The following SYNE2 variants were observed in gnomAD, a reference collection of about 807,000 sequenced individuals.
SYNE2 encodes the protein nesprin-2.
SYNE2 carries 431 observed loss-of-function variants against 856.3 expected under a neutral mutation model. That is an observed-to-expected ratio of 0.50 (90% CI 0.47 to 0.55). The LOEUF (loss-of-function observed/expected upper bound fraction) is 0.55, where lower values mean the gene tolerates loss of function less well. SYNE2 is among the 20% of genes least tolerant of loss of function. SYNE2 has a pLI of 0.00. For synonymous variants in SYNE2, 2,923 were observed against 2,872.3 expected (o/e 1.02, Z -0.56); for missense variants, 8,129 against 8,023.2 (o/e 1.01, Z -0.50).
At chr14:64,158,241 ATC>A (rs2153711007) in intron 85 of SYNE2, among the ~76,000 whole-genome samples, 1 of 152,298 alleles carries the variant, frequency 6.6e-6, no homozygotes, top group African/African-American at 2.4e-5. Context: ...TTCAATTATT[ATC>A]TCTGTTTTGT....
rs539084493 is a variant in SYNE2, at chr14:64,037,601, C to T, written c.7221+6244C>T. On this transcript the variant is annotated intron_variant, in intron 45 of 115. Coordinates refer to ENST00000555002, the MANE Select transcript of SYNE2 (RefSeq NM_182914.3). ...CCACCTTTCCCCCCTTTCTATTCCA[C>T]AAAACCGCCATTGTCATCATGGCCC... Among the ~76,000 whole-genome samples the T allele has an allele frequency of 4.9e-3, 750 of 151,874 alleles. 3 individuals carry two copies. The highest frequency in any genetic ancestry group is 8.8e-3 in the Non-Finnish European group (595 of 67,846).
chr14:64,207,532 T>G lies in SYNE2; in HGVS notation c.18202-1226T>G, dbSNP rs557363052. 9.4e-5 allele frequency among the ~76,000 whole-genome samples: 12 copies of G among 127,150 alleles called. No individual in the cohort carries two copies. In the South Asian group the frequency reaches 3.0e-3, roughly 32 times the overall value. The allele number at this position is 127,150 out of a possible 152,430, so 83.4% of individuals were successfully genotyped here. A position where few individuals can be genotyped will look rare whatever the true frequency, so the allele number is the denominator to read the frequency against. ...CCAAGATCGCACCACTATAACAGAG[T>G]GAAACCCTTGTCTCAAAAAAAAAAA... On this transcript the variant is annotated intron_variant, in intron 100 of 115. Transcript: ENST00000555002.
chr14:64,204,965 C>T (rs564682651), intron 100 of SYNE2, among the ~76,000 whole-genome samples: 28 of 152,132 alleles, frequency 1.8e-4, no homozygotes, highest in Non-Finnish European at 3.5e-4. Flanking sequence ...TTGCTTGGCT[C>T]ACATGCGCCT....
chr14:64,183,540 G>A (rs1028676284), intron 96 of SYNE2, among the ~76,000 whole-genome samples: 30 of 152,186 alleles, frequency 2.0e-4, no homozygotes, highest in African/African-American at 3.9e-4. Flanking sequence ...CTGCAGTCTC[G>A]GCACTTTGGG....
intron 2 of SYNE2, among the ~76,000 whole-genome samples, chr14:63,916,384 C>T (rs904152076): frequency 6.6e-6 from 1 of 152,200 alleles, no homozygotes; most frequent in Non-Finnish European, 1.5e-5. Context: ...ACTGTTCTTA[C>T]TCTTGAATTT....
At chr14:64,047,765 A>G (rs2097196620) in intron 45 of SYNE2, among the ~76,000 whole-genome samples, 1 of 152,192 alleles carries the variant, frequency 6.6e-6, no homozygotes, top group Non-Finnish European at 1.5e-5. Flanking sequence ...TTGCTTCAGT[A>G]TACAATTGAC....
At chr14:64,101,190 A>G (rs1775883363) in intron 63 of SYNE2, among the ~76,000 whole-genome samples, 2 of 151,954 alleles carry the variant, frequency 1.3e-5, no homozygotes, top group Admixed American at 6.6e-5. Flanking sequence ...TGCTGGTTCT[A>G]TTTTTAGTTT....
intron 2 of SYNE2, among the ~76,000 whole-genome samples, chr14:63,925,736 A>C (rs1232257869): frequency 6.6e-6 from 1 of 152,142 alleles, no homozygotes; most frequent in Non-Finnish European, 1.5e-5. Flanking sequence ...TTTAATTTTT[A>C]GCTTCCACAG....
At chr14:64,154,965 A>G (rs1156957275) in intron 85 of SYNE2, among the ~76,000 whole-genome samples, 1 of 152,212 alleles carries the variant, frequency 6.6e-6, no homozygotes, top group Non-Finnish European at 1.5e-5. Context: ...TAGCTGTAAC[A>G]AAAAGACAGA....
In SYNE2 at chr14:64,031,116, T is replaced by C; in HGVS notation, c.6980T>C (p.Ile2327Thr). The C allele has an allele frequency of 1.2e-6, 2 of 1,614,076 alleles. No homozygotes were observed. The highest frequency in any genetic ancestry group is 2.2e-5 in the South Asian group (2 of 91,054). Reference protein sequence around the residue: ...KQNTSSVGQKIIKDDIKSLQC... With the variant: ...KQNTSSVGQKTIKDDIKSLQC... The stretch of plus-strand genomic sequence containing the variant: ...AATACATCTTCAGTGGGGCAGAAGA[T>C]TATTAAAGATGATATAAAATCACTT... The change falls in exon 45 of 116, where the codon ATT becomes ACT. Residue 2327 changes from isoleucine to threonine, a missense_variant. Coordinates refer to ENST00000555002, the MANE Select transcript of SYNE2 (RefSeq NM_182914.3).
intron 38 of SYNE2, 122 bp downstream of exon 38, chr14:64,022,985 T>C: frequency 1.5e-6 from 1 of 670,090 alleles, no homozygotes; most frequent in Non-Finnish European, 2.7e-6. Context: ...TCCTAGCATT[T>C]TCGAAGGCTG....
In SYNE2 at chr14:63,868,722, A is replaced by ATG. The variant is rs539424668; in HGVS notation, c.-52+15584_-52+15585dup. Among the ~76,000 whole-genome samples, 28 of 151,910 alleles carry ATG rather than the reference A, an allele frequency of 1.8e-4. No homozygotes were observed. In the South Asian group the frequency reaches 5.4e-3, roughly 29 times the overall value. On this transcript the variant is annotated intron_variant, in intron 1 of 115. Coordinates refer to ENST00000555002, the MANE Select transcript of SYNE2 (RefSeq NM_182914.3). ...GGGAAGGGCTTTTGCCTATGTGTGC[A>ATG]TGTGTGCGTGTGTGTGTATGTGTGT...
Position 64,137,851 on chromosome 14 carries a change from A to G in SYNE2, c.14711A>G (p.Gln4904Arg). 6.2e-7 allele frequency: 1 copy of G among 1,614,238 alleles called. No homozygotes were observed. Among genetic ancestry groups the G allele is most frequent in the Non-Finnish European group, 8.5e-7 (1 of 1,180,038 alleles). ...RLYQTLNEGK[Q>R]LVASVSCPEL... Reference sequence around the variant, plus strand: ...TACCAAACTCTGAACGAAGGCAAACAGTTGGTGGCGTCTGTGAGCTGTCCT... The same window carrying G: ...TACCAAACTCTGAACGAAGGCAAACGGTTGGTGGCGTCTGTGAGCTGTCCT... The change falls in exon 79 of 116, where the codon CAG (glutamine) becomes CGG (arginine). Residue 4904 changes from glutamine (Q) to arginine (R), a missense_variant. Transcript: ENST00000555002.
At chr14:63,763,457 C>T (rs142125311) in intron 1 of SYNE2, among the ~76,000 whole-genome samples, 44 of 151,824 alleles carry the variant, frequency 2.9e-4, no homozygotes, top group African/African-American at 8.7e-4. Flanking sequence ...GGCTTGTAAT[C>T]TCAGGACTTT....
At position 64,009,962 on chromosome 14, in the gene SYNE2, T is replaced by A. The variant is rs7146588; in HGVS notation, c.4578-4T>A. ...TTAGCTATTGTATATTTTTCTATTC[T>A]TAGTCTTGAACAATGTGGGAGAGTT... On this transcript the variant is annotated splice_region_variant and splice_polypyrimidine_tract_variant and intron_variant, in intron 31 of 115. Coordinates refer to ENST00000555002, the MANE Select transcript of SYNE2 (RefSeq NM_182914.3). The A allele has an allele frequency of 0.21, 339,561 of 1,611,048 alleles. 43,218 individuals carry two copies. Among genetic ancestry groups the A allele is most frequent in the African/African-American group, 0.59 (44,480 of 74,810 alleles).
chr14:64,167,435 C>A, intron 91 of SYNE2, 48 bp downstream of exon 91: 2 of 1,614,194 alleles, frequency 1.2e-6, no homozygotes, highest in Non-Finnish European at 1.7e-6. Flanking sequence ...GTAAAATTAA[C>A]GGCTTCAGCT....
intron 60 of SYNE2, among the ~76,000 whole-genome samples, chr14:64,092,485 G>A (rs2097631617): frequency 6.6e-6 from 1 of 152,122 alleles, no homozygotes; most frequent in Non-Finnish European, 1.5e-5. Context: ...TCATTATTGA[G>A]GGCTGGGGAA....
At chr14:63,940,827 GTTGTC>G in intron 3 of SYNE2, 152 bp downstream of exon 3, 2 of 717,054 alleles carry the variant, frequency 2.8e-6, no homozygotes, top group Non-Finnish European at 4.8e-6. Flanking sequence ...TGTGCTAAAA[GTTGTC>G]TTGATCTTGT....
At chr14:63,904,600 G>A (rs1033294153) in intron 1 of SYNE2, among the ~76,000 whole-genome samples, 1 of 151,820 alleles carries the variant, frequency 6.6e-6, no homozygotes. Context: ...ATGTTAGTTG[G>A]CCACTTCTAA....
Sources: gnomAD v4.1 joint callset for allele counts (sites outside exome capture counted in the v4.1 genomes callset) on GRCh38, gnomAD v4.1.1 for gene constraint, MANE v1.5 for transcripts, NCBI Gene and HGNC (gene_info 2026-07-23, HGNC 2026-07-21) for gene names.